The following UBA6 variants were observed in gnomAD, a reference collection of about 807,000 sequenced individuals.
UBA6 encodes the protein ubiquitin like modifier activating enzyme 6, also known as ubiquitin-like modifier-activating enzyme 6.
In UBA6, 87 loss-of-function variants were observed where a neutral mutation model predicts 148.3. The ratio of observed to expected loss-of-function variants is 0.59; its 90% CI spans 0.49 to 0.70. UBA6 has a LOEUF of 0.70. Among genes scored for constraint, UBA6 ranks in the 30% least tolerant of loss-of-function variants. UBA6 has a pLI of 0.00. For missense variants in UBA6, 1,186 were observed against 1,241.2 expected, an observed-to-expected ratio of 0.96 and a Z score of 0.67; for synonymous variants, 376 against 401.0, an observed-to-expected ratio of 0.94 and a Z score of 0.75.
intron 2 of UBA6, among the ~76,000 whole-genome samples, chr4:67,696,039 A>T (rs1207362100): frequency 6.6e-6 from 1 of 152,210 alleles, no homozygotes; most frequent in Non-Finnish European, 1.5e-5. Context: ...GCATAGTTTT[A>T]AAAGTCCCAT....
intron 23 of UBA6, among the ~76,000 whole-genome samples, chr4:67,632,526 A>C (rs1418410890): frequency 6.6e-6 from 1 of 152,208 alleles, no homozygotes; most frequent in Non-Finnish European, 1.5e-5. Context: ...GATAAGAACT[A>C]AAGAGTTCCT....
chr4:67,639,333 T>A (rs1234959420), intron 18 of UBA6, among the ~76,000 whole-genome samples: 1 of 152,180 alleles, frequency 6.6e-6, no homozygotes, highest in Admixed American at 6.5e-5. Flanking sequence ...TTAGTCCAAA[T>A]AATTTACAAA....
At chr4:67,683,436 C>T (rs1730487174) in intron 2 of UBA6, among the ~76,000 whole-genome samples, 1 of 152,128 alleles carries the variant, frequency 6.6e-6, no homozygotes, top group African/African-American at 2.4e-5. Flanking sequence ...TCTCCTGGTA[C>T]ACACTTAAGA....
Position 67,613,076 on chromosome 4 carries a change from C to T in UBA6, c.*5921G>A, listed in dbSNP as rs1728567978. On this transcript the variant is annotated 3_prime_UTR_variant, in exon 33 of 33. Transcript: ENST00000322244. ...TGCTTTGAAACCCTGAATGGTTGAA[C>T]CCTAGAAATAAGGATGAACAGAAGA... 6.6e-6 allele frequency: 1 copy of T among 152,140 alleles called. No homozygotes were observed. Among genetic ancestry groups the T allele is most frequent in the East Asian group, 1.9e-4 (1 of 5,192 alleles). The allele number at this position is 152,140 out of a possible 1,614,324, so 9.4% of individuals were successfully genotyped here.
At chr4:67,674,532 C>T (rs1022032934) in intron 6 of UBA6, among the ~76,000 whole-genome samples, 2 of 152,016 alleles carry the variant, frequency 1.3e-5, no homozygotes, top group African/African-American at 2.4e-5. Flanking sequence ...ACTTGGGGGA[C>T]GGGGGCGAGG....
At chr4:67,675,541 G>C (rs2109944471) in intron 6 of UBA6, among the ~76,000 whole-genome samples, 1 of 152,220 alleles carries the variant, frequency 6.6e-6, no homozygotes, top group Middle Eastern at 3.4e-3. Flanking sequence ...GACCAGCCTG[G>C]CCAACATGGT....
chr4:67,673,079 A>C (rs982207658), intron 7 of UBA6, among the ~76,000 whole-genome samples: 7 of 152,198 alleles, frequency 4.6e-5, no homozygotes, highest in Non-Finnish European at 1.0e-4. Flanking sequence ...TCTAGTGGCT[A>C]TAACTGTCTC....
chr4:67,660,883 A>T (rs910347312), intron 13 of UBA6, among the ~76,000 whole-genome samples: 8 of 152,220 alleles, frequency 5.3e-5, no homozygotes, highest in African/African-American at 1.7e-4. Flanking sequence ...AGACCATGGG[A>T]ACCCACCTCT....
intron 13 of UBA6, among the ~76,000 whole-genome samples, chr4:67,652,714 G>A (rs1372212217): frequency 2.6e-5 from 4 of 152,238 alleles, no homozygotes; most frequent in African/African-American, 9.6e-5. Context: ...GCCGAAGCAG[G>A]GCGGTATGTC....
chr4:67,678,228 A>G (rs186479995), intron 5 of UBA6, among the ~76,000 whole-genome samples: 32 of 147,260 alleles, frequency 2.2e-4, no homozygotes, highest in Non-Finnish European at 3.6e-4. Flanking sequence ...GATCAATTAA[A>G]TAACTATGAC....
chr4:67,665,760 C>A (rs1185447494), intron 9 of UBA6, among the ~76,000 whole-genome samples: 2 of 151,636 alleles, frequency 1.3e-5, no homozygotes, highest in Non-Finnish European at 2.9e-5. Flanking sequence ...TTCAATAAAT[C>A]TTATAGAGAA....
intron 26 of UBA6, among the ~76,000 whole-genome samples, chr4:67,629,464 T>A (rs1728947680): frequency 6.6e-6 from 1 of 152,012 alleles, no homozygotes; most frequent in Admixed American, 6.6e-5. Context: ...TCAGTTTTAA[T>A]TCCCTTAGCT....
In UBA6 at chr4:67,633,434, C is replaced by CT; in HGVS notation, c.2052dup (p.Val685SerfsTer6). 1 of 1,610,454 alleles carries CT rather than the reference C, an allele frequency of 6.2e-7. No homozygotes were observed. The highest frequency in any genetic ancestry group is 8.5e-7 in the Non-Finnish European group (1 of 1,179,182). On this transcript the variant is annotated frameshift_variant, in exon 23 of 33. Coordinates refer to ENST00000322244, the MANE Select transcript of UBA6 (RefSeq NM_018227.6). LOFTEE classifies it high-confidence loss of function. ...GGTCTTCTGCTAAGTAACTTTATAA[C>CT]TTGAAAACAGCCTTCTAAACTGTGT...
intron 28 of UBA6, among the ~76,000 whole-genome samples, chr4:67,626,046 A>G (rs1220305356): frequency 2.0e-5 from 3 of 151,966 alleles, no homozygotes; most frequent in Admixed American, 2.0e-4. Flanking sequence ...ATTCCTTAAA[A>G]ACAGAGCTTT....
In UBA6 at chr4:67,649,093, C is replaced by G; in HGVS notation, c.1223G>C (p.Gly408Ala). Residue 408 changes from glycine (G) to alanine (A), a missense_variant, in exon 14 of 33, where the codon GGA (glycine) becomes GCA (alanine). Transcript: ENST00000322244. ...CCACTGGCACAAAGGAGAAAATTTT[C>G]CTGTTACAGCTTTCAATACTTCTTG... is the stretch of plus-strand genomic sequence containing the variant. ...ASQEVLKAVT[G>A]KFSPLCQWLY... 6.2e-7 allele frequency: 1 copy of G among 1,613,438 alleles called. No homozygotes were observed. The highest frequency in any genetic ancestry group is 1.1e-5 in the South Asian group (1 of 90,898).
At chr4:67,652,807 G>A (rs751908946) in intron 13 of UBA6, among the ~76,000 whole-genome samples, 15 of 152,160 alleles carry the variant, frequency 9.9e-5, no homozygotes, top group Non-Finnish European at 1.3e-4. Context: ...TTGGAAAAAC[G>A]GTACACTTCC....
At chr4:67,682,041 A>T in intron 3 of UBA6, 78 bp downstream of exon 3, 1 of 1,055,910 alleles carries the variant, frequency 9.5e-7, no homozygotes, top group Non-Finnish European at 1.4e-6. Context: ...TAGGAAATAT[A>T]AGGGGATGAA....
chr4:67,681,494 T>C (rs766624674), intron 4 of UBA6, 69 bp downstream of exon 4: 2 of 1,019,998 alleles, frequency 2.0e-6, no homozygotes, highest in African/African-American at 3.4e-5. Context: ...GTATAAACAA[T>C]ATTACCATAA....
intron 2 of UBA6, among the ~76,000 whole-genome samples, chr4:67,687,630 A>C (rs1156499836): frequency 6.6e-6 from 1 of 152,222 alleles, no homozygotes; most frequent in African/African-American, 2.4e-5. Flanking sequence ...TCACTAACAT[A>C]AAGAGATACC....
Sources: gnomAD v4.1 joint callset for allele counts (sites outside exome capture counted in the v4.1 genomes callset) on GRCh38, gnomAD v4.1.1 for gene constraint, MANE v1.5 for transcripts, NCBI Gene and HGNC (gene_info 2026-07-23, HGNC 2026-07-21) for gene names.